The following NCCRP1 variants were observed in gnomAD, a reference collection of about 807,000 sequenced individuals.
NCCRP1 encodes the protein F-box only protein 50.
Under a neutral mutation model 34.4 loss-of-function variants are expected in NCCRP1, and 32 were observed. That is an observed-to-expected ratio of 0.93 (90% CI 0.70 to 1.25). NCCRP1 has a LOEUF of 1.25. NCCRP1 is among the 50% of genes most tolerant of loss of function. The probability of loss-of-function intolerance (pLI) is 0.00; values close to 1 mark genes in which losing one functional copy is unlikely to be tolerated. For synonymous variants in NCCRP1, 172 were observed against 180.1 expected (o/e 0.95, Z 0.36); for missense variants, 372 against 391.8 (o/e 0.95, Z 0.43).
rs1214544945 is a variant in NCCRP1, at chr19:39,200,382, G to A, written c.585G>A (p.Glu195=). Residue 195 remains glutamate (E), a synonymous_variant, in exon 5 of 6, where the codon GAG becomes GAA. Transcript: ENST00000339852. The surrounding 1 kb of genome is among the most constrained non-coding windows in gnomAD (Gnocchi z 5.8). ...GCCGGCTGGATGCGTGCGTCTATGA[G>A]CTGCATGTCTGGCTGCTGGCGGCCG... ...EDSRLDACVY[E]LHVWLLAADR... is the part of the protein sequence containing the mutation. 6.2e-7 allele frequency: 1 copy of A among 1,613,814 alleles called. No homozygotes were observed. Among genetic ancestry groups the A allele is most frequent in the Admixed American group, 1.7e-5 (1 of 60,020 alleles).
Position 39,200,702 on chromosome 19 carries a change from G to C in NCCRP1, c.774G>C (p.Gly258=), listed in dbSNP as rs1568542768. ...HKAKNRMEPG[G]LRRTRVTDSS... ...CCAAGAACCGCATGGAGCCTGGTGG[G>C]CTGCGGCGGACACGGGTGACCGACT... The change falls in exon 6 of 6, where the codon GGG becomes GGC. Residue 258 remains glycine (G), a synonymous_variant. Transcript: ENST00000339852. The surrounding 1 kb of genome is among the most constrained non-coding windows in gnomAD (Gnocchi z 5.8). 6.2e-7 allele frequency: 1 copy of C among 1,613,850 alleles called. No individual in the cohort carries two copies. Among genetic ancestry groups the C allele is most frequent in the Non-Finnish European group, 8.5e-7 (1 of 1,180,014 alleles).
intron 2 of NCCRP1, 35 bp from the exon 3 acceptor site, chr19:39,198,167 T>TG (rs1223893512): frequency 6.2e-7 from 1 of 1,614,020 alleles, no homozygotes; most frequent in East Asian, 2.2e-5. Flanking sequence ...CCTCCAGCGT[T>TG]GGGGTGTCCT....
In NCCRP1 at chr19:39,201,727, G is replaced by GCTAC. The variant is rs2074789629; in HGVS notation, c.*973_*976dup. ...GAGGACCCTTTGTGTATCTCCTCCA[G>GCTAC]CTACCGCAGAGCCCACAAACCCAGG... On this transcript the variant is annotated 3_prime_UTR_variant, in exon 6 of 6. Coordinates refer to ENST00000339852, the MANE Select transcript of NCCRP1 (RefSeq NM_001001414.2). The GCTAC allele has an allele frequency of 6.6e-6, 1 of 152,188 alleles. No individual in the cohort carries two copies. The highest frequency in any genetic ancestry group is 1.5e-5 in the Non-Finnish European group (1 of 68,070). The allele number at this position is 152,188 out of a possible 1,614,324, so 9.4% of individuals were successfully genotyped here. A position where few individuals can be genotyped will look rare whatever the true frequency, so the allele number is the denominator to read the frequency against.
intron 4 of NCCRP1, among the ~76,000 whole-genome samples, chr19:39,199,509 CTTTTTT>C (rs150534648): frequency 5.0e-4 from 34 of 67,870 alleles, no homozygotes; most frequent in African/African-American, 6.3e-4. Flanking sequence ...TTTTTTCTTT[CTTTTTT>C]TTTTTTTTTT....
Position 39,197,274 on chromosome 19 carries a change from C to A in NCCRP1, c.292C>A (p.Arg98=). ...QRLTWKLLLL[R]RPLYRNLLRS... is the part of the protein sequence containing the mutation. ...CCTCACCTGGAAGCTGCTCCTGTTG[C>A]GGCGGCCGCTCTACCGCAACCTGCT... Residue 98 remains arginine, a synonymous_variant, in exon 1 of 6, where the codon CGG becomes AGG. Coordinates refer to ENST00000339852, the MANE Select transcript of NCCRP1 (RefSeq NM_001001414.2). The A allele has an allele frequency of 6.7e-7, 1 of 1,492,528 alleles. No homozygotes were observed. Among genetic ancestry groups the A allele is most frequent in the Non-Finnish European group, 8.8e-7 (1 of 1,131,572 alleles). The allele number at this position is 1,492,528 out of a possible 1,614,324, so 92.5% of individuals were successfully genotyped here.
chr19:39,199,032 C>T (rs1329465946), intron 3 of NCCRP1, 138 bp from the exon 4 acceptor site: 8 of 707,300 alleles, frequency 1.1e-5, no homozygotes, highest in Non-Finnish European at 2.0e-5. Context: ...CCCGTGGGAA[C>T]TGAGAGTGGA....
rs2074771396 is a variant in NCCRP1 at position 39,198,190 on chromosome 19, C to G, written c.401-12C>G. 6.2e-7 allele frequency: 1 copy of G among 1,614,010 alleles called. No individual in the cohort carries two copies. Among genetic ancestry groups the G allele is most frequent in the African/African-American group, 1.3e-5 (1 of 74,902 alleles). On this transcript the variant is annotated splice_polypyrimidine_tract_variant and intron_variant, in intron 2 of 5. Coordinates refer to ENST00000339852, the MANE Select transcript of NCCRP1 (RefSeq NM_001001414.2). ...GTTGGGGTGTCCTAACCCTTTGCTC[C>G]CCAACCTGCAGGCAATTTCCGTGGC... is the stretch of plus-strand genomic sequence containing the variant.
chr19:39,197,992 G>C (rs2074770049), intron 1 of NCCRP1, 61 bp from the exon 2 acceptor site: 1 of 1,576,964 alleles, frequency 6.3e-7, no homozygotes, highest in Admixed American at 1.7e-5. Flanking sequence ...CGGGTAGGGA[G>C]GGGTGAGGCG....
rs1266579668 is a variant in NCCRP1, at chr19:39,198,077, C to T, written c.362C>T (p.Pro121Leu). ...GGCATCAACATTTATGAGCCAGCAC[C>T]CCCTACTGGTCCCACCCAGCGACCC... The part of the protein sequence containing the change: ...PEGINIYEPA[P>L]PTGPTQRPLE... Residue 121 changes from proline to leucine, a missense_variant, in exon 2 of 6, where the codon CCC (proline) becomes CTC (leucine). Coordinates refer to ENST00000339852, the MANE Select transcript of NCCRP1 (RefSeq NM_001001414.2). 1.2e-6 allele frequency: 2 copies of T among 1,614,068 alleles called. No individual in the cohort carries two copies. The highest frequency in any genetic ancestry group is 1.7e-6 in the Non-Finnish European group (2 of 1,180,012).
At position 39,199,237 on chromosome 19, in the gene NCCRP1, G is replaced by A. The variant is rs148453536; in HGVS notation, c.520G>A (p.Glu174Lys). 666 of 1,613,914 alleles carry A rather than the reference G, an allele frequency of 4.1e-4. No individual in the cohort carries two copies. Among genetic ancestry groups the A allele is most frequent in the Admixed American group, 8.0e-4 (48 of 59,990 alleles). ...EGLWEELLDD[E>K]QPAITVMDWF... ...CCTGTGGGAGGAGCTGCTGGATGAC[G>A]AACAACCAGCCATTACGGTCATGGA... The change falls in exon 4 of 6, where the codon GAA becomes AAA. Residue 174 changes from glutamate (E) to lysine (K), a missense_variant. Glu to Lys is a moderately conservative substitution (Grantham distance 56). Coordinates refer to ENST00000339852, the MANE Select transcript of NCCRP1 (RefSeq NM_001001414.2).
In NCCRP1 at chr19:39,200,798, C is replaced by A. The variant is rs1303272032; in HGVS notation, c.*42C>A. 6.4e-7 allele frequency: 1 copy of A among 1,572,190 alleles called. No homozygotes were observed. The highest frequency in any genetic ancestry group is 2.2e-5 in the East Asian group (1 of 44,550). Reference sequence around the variant, plus strand: ...TCCTGACCCCACAGCACCTCCCTGACCTTTAGGAGCCCCAACTCTTAGTCA... The same window carrying A: ...TCCTGACCCCACAGCACCTCCCTGAACTTTAGGAGCCCCAACTCTTAGTCA... On this transcript the variant is annotated 3_prime_UTR_variant, in exon 6 of 6. Transcript: ENST00000339852. The surrounding 1 kb of genome is among the most constrained non-coding windows in gnomAD (Gnocchi z 5.8).
intron 1 of NCCRP1, 97 bp downstream of exon 1, chr19:39,197,416 C>G (rs2074767515): frequency 5.7e-6 from 6 of 1,058,134 alleles, no homozygotes; most frequent in Non-Finnish European, 6.4e-6. Context: ...TTGTCTCTCT[C>G]TGTCTATGCA....
Position 39,197,294 on chromosome 19 carries a change from C to T in NCCRP1, c.312C>T (p.Asn104=), listed in dbSNP as rs763646934. The change falls in exon 1 of 6, where the codon AAC becomes AAT. Residue 104 remains asparagine (N), a synonymous_variant. Transcript: ENST00000339852. Reference sequence around the variant, plus strand: ...TGTTGCGGCGGCCGCTCTACCGCAACCTGCTGCGCTCGCCCAACCCCGAAG... The same window carrying T: ...TGTTGCGGCGGCCGCTCTACCGCAATCTGCTGCGCTCGCCCAACCCCGAAG... The part of the protein sequence containing the change: ...LLLLRRPLYR[N]LLRSPNPEGI... The T allele has an allele frequency of 1.3e-5, 19 of 1,485,030 alleles. No individual in the cohort carries two copies. The highest frequency in any genetic ancestry group is 2.9e-5 in the African/African-American group (2 of 68,838). The allele number at this position is 1,485,030 out of a possible 1,614,324, so 92.0% of individuals were successfully genotyped here. A position where few individuals can be genotyped will look rare whatever the true frequency, so the allele number is the denominator to read the frequency against.
At chr19:39,197,461 T>A in intron 1 of NCCRP1, 142 bp downstream of exon 1, 1 of 736,706 alleles carries the variant, frequency 1.4e-6, no homozygotes, top group Non-Finnish European at 2.0e-6. Flanking sequence ...TTTCTGTCAT[T>A]GTGCCTCTCC....
At chr19:39,197,957 C>T in intron 1 of NCCRP1, 96 bp from the exon 2 acceptor site, 1 of 1,423,224 alleles carries the variant, frequency 7.0e-7, no homozygotes, top group Non-Finnish European at 9.9e-7. Context: ...GGCACAGATT[C>T]CTGCCCTTCC....
intron 4 of NCCRP1, among the ~76,000 whole-genome samples, chr19:39,199,509 C>CTTTTTTTTTTTTTTTTTTTTTT (rs150534648): frequency 9.6e-4 from 65 of 67,874 alleles, no homozygotes; most frequent in Admixed American, 1.3e-3. Context: ...TTTTTTCTTT[C>CTTTTTTTTTTTTTTTTTTTTTT]TTTTTTTTTT....
At chr19:39,198,353 T>C in intron 3 of NCCRP1, 100 bp downstream of exon 3, 1 of 1,253,330 alleles carries the variant, frequency 8.0e-7, no homozygotes, top group Non-Finnish European at 1.2e-6. Context: ...TGGACCTCCA[T>C]TTCCTGCTCT....
intron 4 of NCCRP1, among the ~76,000 whole-genome samples, chr19:39,199,514 T>TC (rs57616469): frequency 0.04 from 4,925 of 122,316 alleles, 332 homozygotes; most frequent in African/African-American, 0.15. Context: ...TCTTTCTTTT[T>TC]TTTTTTTTTT....
chr19:39,198,216 T>C lies in NCCRP1; in HGVS notation c.415T>C (p.Trp139Arg), dbSNP rs764418680. ...PLETLGNFRG[W>R]YIRTEKLQQN... Reference sequence around the variant, plus strand: ...CCAACCTGCAGGCAATTTCCGTGGCTGGTACATTAGAACTGAAAAGCTCCA... The same window carrying C: ...CCAACCTGCAGGCAATTTCCGTGGCCGGTACATTAGAACTGAAAAGCTCCA... The change falls in exon 3 of 6, where the codon TGG becomes CGG. Residue 139 changes from tryptophan to arginine, a missense_variant. Trp to Arg is a moderately radical substitution (Grantham distance 101). Transcript: ENST00000339852. 23 of 1,614,050 alleles carry C rather than the reference T, an allele frequency of 1.4e-5. No individual in the cohort carries two copies. Among genetic ancestry groups the C allele is most frequent in the Non-Finnish European group, 1.8e-5 (21 of 1,180,050 alleles).
Sources: allele counts gnomAD v4.1 joint callset (sites outside exome capture counted in the v4.1 genomes callset), GRCh38; gene constraint gnomAD v4.1.1; non-coding constraint Gnocchi (gnomAD v3.1); transcripts MANE v1.5; gene names NCBI Gene and HGNC (gene_info 2026-07-23, HGNC 2026-07-21).